Variants in KIF18A observed in about 807,000 individuals in gnomAD.
The protein encoded by KIF18A is kinesin-like protein KIF18A.
A neutral mutation model predicts 103.3 loss-of-function variants in KIF18A; 67 were observed. The observed-to-expected ratio is 0.65, with a 90% CI of 0.53 to 0.79. The LOEUF (loss-of-function observed/expected upper bound fraction) is 0.79. Among genes scored for constraint, KIF18A ranks in the 30% least tolerant of loss-of-function variants. The probability of loss-of-function intolerance (pLI) is 0.00; values close to 1 mark genes in which losing one functional copy is unlikely to be tolerated. For missense variants in KIF18A, 1,032 were observed against 1,062.5 expected (o/e 0.97, Z 0.40); for synonymous variants, 367 against 355.5 (o/e 1.03, Z -0.36).
At chr11:28,023,645 G>A in intron 16 of KIF18A, 96 bp downstream of exon 16, 4 of 576,184 alleles carry the variant, frequency 6.9e-6, no homozygotes, top group Non-Finnish European at 1.2e-5. Context: ...GATGAATAAA[G>A]GGAGATTCTT....
At position 28,077,087 on chromosome 11, in the gene KIF18A, C is replaced by T. The variant is rs751575939; in HGVS notation, c.1345G>A (p.Glu449Lys). 2 of 1,576,232 alleles carry T rather than the reference C, an allele frequency of 1.3e-6. No individual in the cohort carries two copies. Among genetic ancestry groups the T allele is most frequent in the East Asian group, 4.6e-5 (2 of 43,106 alleles). ...EYLKLEMLLK[E>K]NELKSFYQQQ... ...TGGTAGAATGATTTAAGTTCATTTT[C>T]TTTAAGTAACATTTCCAACTTCAGA... The change falls in exon 10 of 17, where the codon GAA (glutamate) becomes AAA (lysine). Residue 449 changes from glutamate to lysine, a missense_variant. Coordinates refer to ENST00000263181, the MANE Select transcript of KIF18A (RefSeq NM_031217.4).
intron 15 of KIF18A, among the ~76,000 whole-genome samples, chr11:28,033,078 C>G (rs117163414): frequency 1.3e-5 from 2 of 150,412 alleles, no homozygotes; most frequent in Non-Finnish European, 3.0e-5. Flanking sequence ...CAAAAGAAGA[C>G]ATAAATGGCA....
At chr11:28,043,052 G>A (rs1054439934) in intron 13 of KIF18A, among the ~76,000 whole-genome samples, 22 of 151,876 alleles carry the variant, frequency 1.4e-4, no homozygotes, top group African/African-American at 5.3e-4. Context: ...ATGGGGTAAG[G>A]TGGGAGTTGG....
intron 13 of KIF18A, among the ~76,000 whole-genome samples, chr11:28,040,544 C>T (rs183635212): frequency 2.6e-5 from 4 of 151,824 alleles, no homozygotes; most frequent in African/African-American, 9.6e-5. Context: ...GCAGGCTGTG[C>T]CTTGCAGAAC....
Position 28,062,446 on chromosome 11 carries a change from T to A in KIF18A, c.1661A>T (p.His554Leu). 1.2e-6 allele frequency: 2 copies of A among 1,611,998 alleles called. No homozygotes were observed. The highest frequency in any genetic ancestry group is 1.7e-6 in the Non-Finnish European group (2 of 1,178,678). ...QNKDLKAQIR[H>L]MMDLACLQEQ... ...CTGAAGACAAGCTAGATCCATCATATGTCTAATTTGTGCTTTCAAATCTTT... is the reference window on the plus strand; with the variant it reads ...CTGAAGACAAGCTAGATCCATCATAAGTCTAATTTGTGCTTTCAAATCTTT... The change falls in exon 12 of 17, where the codon CAT becomes CTT. Residue 554 changes from histidine (H) to leucine (L), a missense_variant. By Grantham distance (99) the His-to-Leu change is moderately conservative (BLOSUM62 -3). Coordinates refer to ENST00000263181, the MANE Select transcript of KIF18A (RefSeq NM_031217.4).
At chr11:28,071,572 T>C (rs1047980673) in intron 10 of KIF18A, among the ~76,000 whole-genome samples, 2 of 151,126 alleles carry the variant, frequency 1.3e-5, no homozygotes, top group Non-Finnish European at 1.5e-5. Context: ...AATGCATAAA[T>C]ATATTTTTAT....
chr11:28,049,326 T>A (rs1233325185), intron 13 of KIF18A, among the ~76,000 whole-genome samples: 1 of 152,010 alleles, frequency 6.6e-6, no homozygotes, highest in Non-Finnish European at 1.5e-5. Flanking sequence ...GACTAGATAA[T>A]TTATCACTAA....
chr11:28,067,825 A>T (rs1850954214), intron 11 of KIF18A, among the ~76,000 whole-genome samples: 1 of 152,168 alleles, frequency 6.6e-6, no homozygotes, highest in Non-Finnish European at 1.5e-5. Context: ...TTGGGTGAAA[A>T]TTAGTTATTT....
chr11:28,021,743 G>C (rs1850248437), intron 16 of KIF18A, among the ~76,000 whole-genome samples: 1 of 151,938 alleles, frequency 6.6e-6, no homozygotes, highest in African/African-American at 2.4e-5. Flanking sequence ...TAATCCTATA[G>C]CTCTTTTTTC....
chr11:28,062,182 T>C (rs1479639731), intron 12 of KIF18A, among the ~76,000 whole-genome samples: 2 of 152,118 alleles, frequency 1.3e-5, no homozygotes, highest in East Asian at 1.9e-4. Context: ...AAAAGTAACA[T>C]ACTTTTAAAG....
intron 9 of KIF18A, among the ~76,000 whole-genome samples, chr11:28,079,746 T>C (rs989572961): frequency 6.9e-6 from 1 of 144,952 alleles, no homozygotes; most frequent in African/African-American, 2.6e-5. Context: ...TTTGGAAGTT[T>C]CCTAGATTCC....
chr11:28,045,216 C>T (rs1850615909), intron 13 of KIF18A, among the ~76,000 whole-genome samples: 1 of 151,978 alleles, frequency 6.6e-6, no homozygotes, highest in Non-Finnish European at 1.5e-5. Flanking sequence ...GCCTATACCT[C>T]AAGAGAAACA....
Position 28,084,729 on chromosome 11 carries a change from G to T in KIF18A, c.977C>A (p.Thr326Asn). Residue 326 changes from threonine to asparagine, a missense_variant, in exon 7 of 17, where the codon ACT (threonine) becomes AAT (asparagine). By Grantham distance (65) the Thr-to-Asn change is moderately conservative. Transcript: ENST00000263181. ...AGGACTAACAGCAGCTATCATTATA[G>T]TTTGACAGTTTCCTCCAAGAGAATC... ...LKDSLGGNCQ[T>N]IMIAAVSPSS... 6.2e-7 allele frequency: 1 copy of T among 1,611,508 alleles called. No individual in the cohort carries two copies. Among genetic ancestry groups the T allele is most frequent in the South Asian group, 1.1e-5 (1 of 91,024 alleles).
chr11:28,095,808 GA>G (rs1851361337), intron 2 of KIF18A, among the ~76,000 whole-genome samples: 1 of 151,926 alleles, frequency 6.6e-6, no homozygotes, highest in Non-Finnish European at 1.5e-5. Context: ...CCAGGAGTTT[GA>G]GACCAGCCTG....
chr11:28,064,274 G>A (rs1428876446), intron 11 of KIF18A, among the ~76,000 whole-genome samples: 1 of 151,850 alleles, frequency 6.6e-6, no homozygotes, highest in East Asian at 1.9e-4. Flanking sequence ...TTTTAGAGAC[G>A]GGCTTAGCCT....
In KIF18A at chr11:28,099,250, T is replaced by C. The variant is rs952012082; in HGVS notation, c.-46-1257A>G. ...TAAGCCAGGTACAAAAAGACAAATATCACATGATCTCACTTTTATGCAGAA... is the reference window on the plus strand; with the variant it reads ...TAAGCCAGGTACAAAAAGACAAATACCACATGATCTCACTTTTATGCAGAA... On this transcript the variant is annotated intron_variant, in intron 1 of 16. Transcript: ENST00000263181. Among the ~76,000 whole-genome samples the C allele has an allele frequency of 1.3e-5, 2 of 151,908 alleles. 1 individual carries two copies. Among genetic ancestry groups the C allele is most frequent in the Admixed American group, 1.3e-4 (2 of 15,242 alleles).
At chr11:28,064,028 T>C (rs1016208886) in intron 11 of KIF18A, among the ~76,000 whole-genome samples, 11 of 151,586 alleles carry the variant, frequency 7.3e-5, no homozygotes, top group African/African-American at 2.7e-4. Flanking sequence ...CAGAGAACAA[T>C]GTCACTCATC....
chr11:28,090,719 G>T lies in KIF18A; in HGVS notation c.597C>A (p.Ser199=). 6.3e-7 allele frequency: 1 copy of T among 1,586,632 alleles called. No individual in the cohort carries two copies. The highest frequency in any genetic ancestry group is 8.6e-7 in the Non-Finnish European group (1 of 1,157,156). ...VHGLTLHQPK[S]SEEILHLLDN... ...CCAATAAATGTAAAATTTCTTCTGA[G>T]GATTTGGGCTGGAGAAGTTTAAGTA... Residue 199 remains serine, a synonymous_variant, in exon 5 of 17, where the codon TCC becomes TCA. Coordinates refer to ENST00000263181, the MANE Select transcript of KIF18A (RefSeq NM_031217.4).
At chr11:28,062,635 GT>G in intron 11 of KIF18A, 119 bp from the exon 12 acceptor site, 1 of 734,398 alleles carries the variant, frequency 1.4e-6, no homozygotes. Context: ...TAAATAATAT[GT>G]TTAGAAACAA....
Sources: gnomAD v4.1 joint callset for allele counts (sites outside exome capture counted in the v4.1 genomes callset) on GRCh38, gnomAD v4.1.1 for gene constraint, MANE v1.5 for transcripts, NCBI Gene and HGNC (gene_info 2026-07-23, HGNC 2026-07-21) for gene names.